The following RALGAPA1 variants were observed in gnomAD, a reference collection of about 807,000 sequenced individuals.
RALGAPA1 encodes Ral GTPase activating protein catalytic subunit alpha 1, also known as ral GTPase-activating protein subunit alpha-1.
RALGAPA1 carries 52 observed loss-of-function variants against 269.6 expected under a neutral mutation model. That is an observed-to-expected ratio of 0.19 (90% CI 0.15 to 0.24). The LOEUF is 0.24. Ranked by LOEUF, RALGAPA1 falls within the 10% of genes least tolerant of loss-of-function variation. The pLI is 1.00. For synonymous variants in RALGAPA1, 817 were observed against 1,008.3 expected, an observed-to-expected ratio of 0.81 and a Z score of 3.60; for missense variants, 1,917 against 3,013.9, an observed-to-expected ratio of 0.64 and a Z score of 8.52.
chr14:35,711,369 T>G (rs946050256), intron 16 of RALGAPA1, among the ~76,000 whole-genome samples: 2 of 152,206 alleles, frequency 1.3e-5, no homozygotes, highest in Non-Finnish European at 2.9e-5. Flanking sequence ...CCTCCTAGCA[T>G]ATGAATTACA....
intron 39 of RALGAPA1, among the ~76,000 whole-genome samples, chr14:35,563,002 C>T (rs1184195470): frequency 3.7e-5 from 4 of 107,732 alleles, no homozygotes; most frequent in African/African-American, 1.5e-4. Context: ...GCCTGGGCAA[C>T]AGAGCGAGAG....
intron 12 of RALGAPA1, among the ~76,000 whole-genome samples, chr14:35,730,067 A>C (rs1214569501): frequency 6.6e-6 from 1 of 152,228 alleles, no homozygotes; most frequent in African/African-American, 2.4e-5. Flanking sequence ...GTGAGTGCCC[A>C]AACGGCAGAA....
intron 4 of RALGAPA1, chr14:35,766,304 C>T: frequency 7.3e-6 from 7 of 961,918 alleles, no homozygotes; most frequent in Non-Finnish European, 1.2e-5. Context: ...CGGATTCTAC[C>T]ACAGCACAGG....
chr14:35,557,633 G>A (rs2055756383), intron 39 of RALGAPA1, among the ~76,000 whole-genome samples: 1 of 152,084 alleles, frequency 6.6e-6, no homozygotes, highest in African/African-American at 2.4e-5. Flanking sequence ...TGCAGTAAAA[G>A]GAAGAATGGG....
rs184709353 is a variant in RALGAPA1, at chr14:35,801,799, A to T, written c.106+6931T>A. 3.7e-4 allele frequency among the ~76,000 whole-genome samples: 57 copies of T among 152,280 alleles called. No homozygotes were observed. The East Asian group carries it at 5.6e-3, about 15-fold the overall frequency. ...AAACCTACAGTTAGGATCATATTAT[A>T]CAGTGAAAAAAATCAATCGATTGCT... On this transcript the variant is annotated intron_variant, in intron 1 of 41. Transcript: ENST00000680220.
At chr14:35,717,497 T>C (rs1413873102) in intron 16 of RALGAPA1, among the ~76,000 whole-genome samples, 2 of 152,162 alleles carry the variant, frequency 1.3e-5, no homozygotes, top group Admixed American at 6.5e-5. Context: ...TGTATATTCA[T>C]CTTCAGGACA....
chr14:35,796,177 A>G (rs2076551033), intron 1 of RALGAPA1, among the ~76,000 whole-genome samples: 1 of 152,206 alleles, frequency 6.6e-6, no homozygotes, highest in South Asian at 2.1e-4. Context: ...AAAGTTAAGA[A>G]GACACATAGA....
intron 36 of RALGAPA1, among the ~76,000 whole-genome samples, chr14:35,603,353 G>A (rs10137922): frequency 0.087 from 13,185 of 151,920 alleles, 842 homozygotes; most frequent in East Asian, 0.31. Flanking sequence ...ACATACATAA[G>A]CTCAATTGAA....
At chr14:35,771,449 G>A (rs2074614063) in intron 3 of RALGAPA1, among the ~76,000 whole-genome samples, 1 of 151,994 alleles carries the variant, frequency 6.6e-6, no homozygotes, top group Admixed American at 6.6e-5. Flanking sequence ...AATAGTCCCT[G>A]AGCTAATTTG....
In RALGAPA1 at chr14:35,742,705, AT is replaced by A; in HGVS notation, c.1252-141del. The stretch of plus-strand genomic sequence containing the variant: ...AAAACAATGACATAAAACAAAACTC[AT>A]TTTGCCATAAGCTAATTGATATAAA... On this transcript the variant is annotated intron_variant, in intron 10 of 41. Coordinates refer to ENST00000680220, the MANE Select transcript of RALGAPA1 (RefSeq NM_001346249.2). 7.6e-6 allele frequency: 5 copies of A among 658,924 alleles called. No homozygotes were observed. The South Asian group carries it at 8.8e-5, about 12-fold the overall frequency. The allele number at this position is 658,924 out of a possible 1,614,324, so 40.8% of individuals were successfully genotyped here.
intron 4 of RALGAPA1, among the ~76,000 whole-genome samples, chr14:35,769,433 G>T (rs116258290): frequency 1.5e-3 from 231 of 152,130 alleles, no homozygotes; most frequent in African/African-American, 5.2e-3. Context: ...GGCAATAATA[G>T]ACATTGGGAA....
chr14:35,715,249 G>T (rs138500455), intron 16 of RALGAPA1, among the ~76,000 whole-genome samples: 1 of 151,768 alleles, frequency 6.6e-6, no homozygotes, highest in Non-Finnish European at 1.5e-5. Flanking sequence ...CACATTTCCC[G>T]TCTCAATGTC....
chr14:35,614,246 C>T (rs1239177069), intron 35 of RALGAPA1, among the ~76,000 whole-genome samples: 2 of 152,080 alleles, frequency 1.3e-5, no homozygotes, highest in Non-Finnish European at 2.9e-5. Context: ...CAAAACATGT[C>T]CACACAAAAA....
intron 31 of RALGAPA1, among the ~76,000 whole-genome samples, chr14:35,648,557 C>A (rs571763449): frequency 6.6e-6 from 1 of 151,970 alleles, no homozygotes; most frequent in Non-Finnish European, 1.5e-5. Flanking sequence ...CCAAGGCGGG[C>A]GGTTCACTTC....
At chr14:35,592,523 C>T (rs2058698204) in intron 37 of RALGAPA1, among the ~76,000 whole-genome samples, 1 of 152,150 alleles carries the variant, frequency 6.6e-6, no homozygotes. Context: ...CCCTCGATCC[C>T]TAAGCTAGAC....
intron 38 of RALGAPA1, 86 bp from the exon 39 acceptor site, chr14:35,570,830 G>A: frequency 1.6e-6 from 2 of 1,243,064 alleles, no homozygotes; most frequent in Non-Finnish European, 2.2e-6. Context: ...GCATCCAAAA[G>A]TATTTCTGCT....
rs1192354554 is a variant in RALGAPA1, at chr14:35,769,049, T to A, written c.325+1893A>T. Reference sequence around the variant, plus strand: ...AAAAAAAAAAAAATATATATATATATATATATATATATATATACACACACA... The same window carrying A: ...AAAAAAAAAAAAATATATATATATAAATATATATATATATATACACACACA... On this transcript the variant is annotated intron_variant, in intron 4 of 41. Coordinates refer to ENST00000680220, the MANE Select transcript of RALGAPA1 (RefSeq NM_001346249.2). Among the ~76,000 whole-genome samples the A allele has an allele frequency of 1.7e-3, 186 of 106,304 alleles. 1 individual carries two copies. Among genetic ancestry groups the A allele is most frequent in the African/African-American group, 4.5e-3 (112 of 24,894 alleles). 69.7% of individuals were successfully genotyped at this position (106,304 alleles called of 152,430 possible).
At chr14:35,673,116 C>T in intron 24 of RALGAPA1, 94 bp from the exon 25 acceptor site, 2 of 1,218,530 alleles carry the variant, frequency 1.6e-6, no homozygotes, top group South Asian at 4.7e-5. Flanking sequence ...TATATAATCT[C>T]ATTTATTTCC....
At chr14:35,747,246 A>G (rs1172016222) in intron 10 of RALGAPA1, among the ~76,000 whole-genome samples, 2 of 152,210 alleles carry the variant, frequency 1.3e-5, no homozygotes, top group Non-Finnish European at 2.9e-5. Flanking sequence ...TAAAAGGATT[A>G]TAAGAGGATG....
Sources: gnomAD v4.1 joint callset for allele counts (sites outside exome capture counted in the v4.1 genomes callset) on GRCh38, gnomAD v4.1.1 for gene constraint, MANE v1.5 for transcripts, NCBI Gene and HGNC (gene_info 2026-07-23, HGNC 2026-07-21) for gene names.